EDRF1: variants seen among roughly 807,000 people sequenced by gnomAD.
EDRF1 encodes the protein erythroid differentiation-related factor 1.
A neutral mutation model predicts 148.7 loss-of-function variants in EDRF1; 69 were observed. That is an observed-to-expected ratio of 0.46 (90% CI 0.38 to 0.57). EDRF1 has a LOEUF of 0.57. EDRF1 is among the 20% of genes least tolerant of loss of function. The probability of loss-of-function intolerance (pLI) is 0.00; values close to 1 mark genes in which losing one functional copy is unlikely to be tolerated. For missense variants in EDRF1, 1,118 were observed against 1,478.7 expected, an observed-to-expected ratio of 0.76 and a Z score of 4.00; for synonymous variants, 515 against 532.8, an observed-to-expected ratio of 0.97 and a Z score of 0.46.
intron 19 of EDRF1, among the ~76,000 whole-genome samples, chr10:125,746,185 G>A (rs895239248): frequency 4.6e-5 from 7 of 152,140 alleles, no homozygotes; most frequent in Non-Finnish European, 1.5e-5. Flanking sequence ...ATGTCAAATG[G>A]ATTAAAGATT....
chr10:125,747,596 G>C lies in EDRF1; in HGVS notation c.2875G>C (p.Val959Leu). 4 of 1,614,154 alleles carry C rather than the reference G, an allele frequency of 2.5e-6. No individual in the cohort carries two copies. Among genetic ancestry groups the C allele is most frequent in the Non-Finnish European group, 3.4e-6 (4 of 1,180,022 alleles). Residue 959 changes from valine (V) to leucine (L), a missense_variant, in exon 20 of 25, where the codon GTT (valine) becomes CTT (leucine). Around this residue, in one of 3 missense-constraint regions of EDRF1, gnomAD observed 954 missense variants for 1,241.4 expected, o/e 0.77. Transcript: ENST00000356792. ...GGGAACACGAGACATACACCCAGCT[G>C]TTTGGGATTCAGTGAACTGGGAATT... ...SLGTRDIHPAVWDSVNWELST... is the reference protein window; with the variant it reads ...SLGTRDIHPALWDSVNWELST...
chr10:125,752,835 C>G lies in EDRF1; in HGVS notation c.3314C>G (p.Ser1105Cys), dbSNP rs1849707265. The G allele has an allele frequency of 6.2e-7, 1 of 1,613,994 alleles. No individual in the cohort carries two copies. The highest frequency in any genetic ancestry group is 1.3e-5 in the African/African-American group (1 of 75,034). The change falls in exon 23 of 25, where the codon TCT (serine) becomes TGT (cysteine). Residue 1105 changes from serine to cysteine, a missense_variant. This residue lies in a region of EDRF1 where 954 missense variants were observed against 1,241.4 expected (regional missense o/e 0.77). Transcript: ENST00000356792. ...NSNVGKLKTL[S>C]GALDIMVRTE... ...AATGTTGGAAAGTTGAAAACACTATCTGGGGCTCTTGATATAATGGTGAGA... is the reference window on the plus strand; with the variant it reads ...AATGTTGGAAAGTTGAAAACACTATGTGGGGCTCTTGATATAATGGTGAGA...
At chr10:125,746,032 ACT>A in intron 19 of EDRF1, 102 bp downstream of exon 19, 1 of 1,052,086 alleles carries the variant, frequency 9.5e-7, no homozygotes, top group Non-Finnish European at 1.4e-6. Context: ...AAATAATTAA[ACT>A]CTGCTAATGA....
Position 125,745,949 on chromosome 10 carries a change from T to A in EDRF1, c.2814+19T>A. On this transcript the variant is annotated intron_variant, in intron 19 of 24. Coordinates refer to ENST00000356792, the MANE Select transcript of EDRF1 (RefSeq NM_001202438.2). ...TAATAAGGTAACACATTCGCGTACA[T>A]GTTGGGCCTCACCCATTCACACCTG... 2 of 1,610,736 alleles carry A rather than the reference T, an allele frequency of 1.2e-6. No homozygotes were observed. Among genetic ancestry groups the A allele is most frequent in the South Asian group, 2.2e-5 (2 of 90,992 alleles).
chr10:125,755,028 C>T (rs1849833141), intron 24 of EDRF1, among the ~76,000 whole-genome samples: 1 of 152,172 alleles, frequency 6.6e-6, no homozygotes, highest in Non-Finnish European at 1.5e-5. Flanking sequence ...TCCAAGAATT[C>T]CCTCCTGCTG....
At chr10:125,733,849 C>A in intron 11 of EDRF1, 106 bp downstream of exon 11, 1 of 1,105,734 alleles carries the variant, frequency 9.0e-7, no homozygotes, top group Non-Finnish European at 1.4e-6. Context: ...TTTAGGTTTT[C>A]ATAGTAGGGG....
chr10:125,721,984 TC>T (rs1197656277), intron 2 of EDRF1, among the ~76,000 whole-genome samples: 6 of 152,134 alleles, frequency 3.9e-5, no homozygotes, highest in African/African-American at 1.4e-4. Flanking sequence ...CTTTTCTTCT[TC>T]CCCCTTCTCA....
intron 24 of EDRF1, among the ~76,000 whole-genome samples, chr10:125,762,905 G>C (rs552070418): frequency 2.3e-4 from 35 of 152,180 alleles, no homozygotes; most frequent in African/African-American, 7.2e-4. Flanking sequence ...CTTCATGGCC[G>C]TCCGTCTGTC....
In EDRF1 at chr10:125,762,535, T is replaced by C. The variant is rs1564758934; in HGVS notation, c.3546-766T>C. ...TAGATATGAACTGCCACGTAATTAC[T>C]AGTCTTTTCCAGTAGTAACAAAAAT... On this transcript the variant is annotated intron_variant, in intron 24 of 24. Coordinates refer to ENST00000356792, the MANE Select transcript of EDRF1 (RefSeq NM_001202438.2). Among the ~76,000 whole-genome samples, 9 of 151,376 alleles carry C rather than the reference T, an allele frequency of 5.9e-5. No individual in the cohort carries two copies. In the South Asian group the frequency reaches 1.9e-3, roughly 31 times the overall value.
At chr10:125,743,877 T>C (rs1332220573) in intron 18 of EDRF1, among the ~76,000 whole-genome samples, 1 of 152,014 alleles carries the variant, frequency 6.6e-6, no homozygotes, top group Non-Finnish European at 1.5e-5. Context: ...GAGGAAGATG[T>C]GGGATAGTGG....
At chr10:125,744,653 A>G (rs564957149) in intron 18 of EDRF1, 1 of 152,402 alleles carries the variant, frequency 6.6e-6, no homozygotes, top group East Asian at 1.9e-4. Context: ...ATTGGATACA[A>G]CACAGGTTGT....
intron 18 of EDRF1, chr10:125,745,379 C>A (rs1849295866): frequency 5.6e-6 from 2 of 356,318 alleles, no homozygotes; most frequent in African/African-American, 4.1e-5. Flanking sequence ...TGGAGTCCCT[C>A]CCTCTTTAAA....
In EDRF1 at chr10:125,763,495, C is replaced by T. The variant is rs1193651771; in HGVS notation, c.*23C>T. Reference sequence around the variant, plus strand: ...TGACTGCACAGAGCCGTGTCCCAGACACGCTGTCAGTGCCTTCAACACGGA... The same window carrying T: ...TGACTGCACAGAGCCGTGTCCCAGATACGCTGTCAGTGCCTTCAACACGGA... On this transcript the variant is annotated 3_prime_UTR_variant, in exon 25 of 25. Coordinates refer to ENST00000356792, the MANE Select transcript of EDRF1 (RefSeq NM_001202438.2). This position sits in a 1 kb window ranked among gnomAD's most constrained non-coding sequence, Gnocchi z 4.3. 3 of 1,602,122 alleles carry T rather than the reference C, an allele frequency of 1.9e-6. No homozygotes were observed. Among genetic ancestry groups the T allele is most frequent in the Non-Finnish European group, 2.5e-6 (3 of 1,179,072 alleles).
chr10:125,719,980 G>T, intron 1 of EDRF1, 65 bp downstream of exon 1: 1 of 1,437,976 alleles, frequency 7.0e-7, no homozygotes, highest in Non-Finnish European at 9.7e-7. Flanking sequence ...CCACCGGGGA[G>T]GGATGCCACG....
chr10:125,759,145 G>A (rs945392780), intron 24 of EDRF1, among the ~76,000 whole-genome samples: 6 of 152,124 alleles, frequency 3.9e-5, no homozygotes, highest in African/African-American at 1.2e-4. Flanking sequence ...TGGGCATTTG[G>A]TGAGGTCCTT....
At chr10:125,729,507 G>A in intron 8 of EDRF1, 28 bp downstream of exon 8, 2 of 1,613,736 alleles carry the variant, frequency 1.2e-6, no homozygotes, top group Non-Finnish European at 1.7e-6. Flanking sequence ...CCCTCCTCAA[G>A]CTTATGGTAT....
rs1412703821 is a variant in EDRF1 at position 125,763,258 on chromosome 10, A to G, written c.3546-43A>G. Reference sequence around the variant, plus strand: ...CTGGACCTCTGAATTGTCGGTAGGCATTGCTGGTCCCTTACCTGTCTCTTT... The same window carrying G: ...CTGGACCTCTGAATTGTCGGTAGGCGTTGCTGGTCCCTTACCTGTCTCTTT... On this transcript the variant is annotated intron_variant, in intron 24 of 24. Transcript: ENST00000356792. The surrounding 1 kb of genome is among the most constrained non-coding windows in gnomAD (Gnocchi z 4.3). 3 of 1,583,618 alleles carry G rather than the reference A, an allele frequency of 1.9e-6. No individual in the cohort carries two copies. The highest frequency in any genetic ancestry group is 2.6e-6 in the Non-Finnish European group (3 of 1,160,704).
intron 23 of EDRF1, among the ~76,000 whole-genome samples, 154 bp downstream of exon 23, chr10:125,753,068 T>C (rs1589870095): frequency 6.6e-6 from 1 of 152,264 alleles, no homozygotes; most frequent in Non-Finnish European, 1.5e-5. Context: ...TGATTTGTTA[T>C]ATTTGCCTGG....
chr10:125,736,391 C>A (rs1848734207), intron 13 of EDRF1, among the ~76,000 whole-genome samples: 1 of 152,056 alleles, frequency 6.6e-6, no homozygotes, highest in Non-Finnish European at 1.5e-5. Context: ...TGTCTCTGCC[C>A]TGGAGAGGGC....
Sources: allele counts gnomAD v4.1 joint callset (sites outside exome capture counted in the v4.1 genomes callset), GRCh38; gene constraint gnomAD v4.1.1; regional missense constraint gnomAD v4.1.1; non-coding constraint Gnocchi (gnomAD v3.1); transcripts MANE v1.5; gene names NCBI Gene and HGNC (gene_info 2026-07-23, HGNC 2026-07-21).